Variants in CSTPP1 observed in about 807,000 individuals in gnomAD.
CSTPP1 encodes the protein centriolar satellite-associated tubulin polyglutamylase complex regulator 1, also known as UPF0705 protein C11orf49.
At chr11:47,090,609 T>C in the CSTPP1 span, among the ~76,000 whole-genome samples, 1 of 152,220 alleles carries the variant, frequency 6.6e-6, no homozygotes, top group South Asian at 2.1e-4. Flanking sequence ...GCACTGTGAG[T>C]AATAACTATA....
the CSTPP1 span, among the ~76,000 whole-genome samples, chr11:46,946,519 G>A: frequency 2.6e-5 from 4 of 152,298 alleles, no homozygotes; most frequent in East Asian, 1.9e-4. Flanking sequence ...TTAGCCGGGC[G>A]TGGTGGCAGG....
chr11:46,998,559 T>C, the CSTPP1 span, among the ~76,000 whole-genome samples: 12 of 152,140 alleles, frequency 7.9e-5, no homozygotes, highest in South Asian at 1.9e-3. Flanking sequence ...CCAGAAACTT[T>C]TGGGTTTTCT....
the CSTPP1 span, chr11:47,137,970 G>A: frequency 1.8e-6 from 1 of 568,820 alleles, no homozygotes; most frequent in East Asian, 2.9e-5. Flanking sequence ...TTGGAGGGTG[G>A]TGAGATGAAG....
chr11:47,120,202 C>CA, the CSTPP1 span, among the ~76,000 whole-genome samples: 14 of 152,144 alleles, frequency 9.2e-5, no homozygotes, highest in African/African-American at 2.4e-4. This position sits in a 1 kb window ranked among gnomAD's most constrained non-coding sequence, Gnocchi z 4.2. Context: ...AGATATACTA[C>CA]ATTGCTTTTA....
chr11:47,056,030 G>A, the CSTPP1 span, among the ~76,000 whole-genome samples: 1 of 152,156 alleles, frequency 6.6e-6, no homozygotes, highest in South Asian at 2.1e-4. Context: ...GCAAATATTT[G>A]TTTTAGACCA....
the CSTPP1 span, among the ~76,000 whole-genome samples, chr11:47,124,306 T>C: frequency 6.6e-6 from 1 of 151,570 alleles, no homozygotes; most frequent in Non-Finnish European, 1.5e-5. Flanking sequence ...GTATATTTAG[T>C]AGAGACGGGG....
the CSTPP1 span, chr11:47,041,828 G>C: frequency 4.7e-6 from 2 of 423,800 alleles, 1 homozygote; most frequent in South Asian, 4.1e-5. Context: ...TTTGATAGCT[G>C]GATGGCCAGG....
the CSTPP1 span, chr11:47,162,274 A>C: frequency 2.0e-6 from 2 of 984,860 alleles, no homozygotes; most frequent in Non-Finnish European, 2.4e-6. Flanking sequence ...TCCTAGGCTG[A>C]GGGGAGAAGG....
At chr11:46,943,477 G>A in the CSTPP1 span, among the ~76,000 whole-genome samples, 2 of 152,250 alleles carry the variant, frequency 1.3e-5, no homozygotes, top group Non-Finnish European at 2.9e-5. Flanking sequence ...GTAAGGTCAA[G>A]TGATTCCAGT....
At chr11:46,954,464 G>A in the CSTPP1 span, among the ~76,000 whole-genome samples, 2 of 151,986 alleles carry the variant, frequency 1.3e-5, no homozygotes, top group Non-Finnish European at 2.9e-5. Context: ...CAGGAGAATC[G>A]CTTGAACCCT....
chr11:47,094,884 A>G, the CSTPP1 span, among the ~76,000 whole-genome samples: 1 of 152,250 alleles, frequency 6.6e-6, no homozygotes, highest in East Asian at 1.9e-4. Flanking sequence ...GGTAACTTGT[A>G]AAGTCCATTC....
chr11:47,159,042 T>C, the CSTPP1 span, among the ~76,000 whole-genome samples: 4 of 152,252 alleles, frequency 2.6e-5, no homozygotes, highest in African/African-American at 9.6e-5. Context: ...TCTTACACAA[T>C]ATACAGTTAG....
At chr11:47,028,302 A>G in the CSTPP1 span, among the ~76,000 whole-genome samples, 5 of 152,246 alleles carry the variant, frequency 3.3e-5, no homozygotes, top group Admixed American at 3.3e-4. Context: ...CTATCAATTC[A>G]TGATGCATAT....
the CSTPP1 span, among the ~76,000 whole-genome samples, chr11:47,020,842 G>C: frequency 6.6e-6 from 1 of 152,216 alleles, no homozygotes; most frequent in Non-Finnish European, 1.5e-5. Context: ...ACAAACATCT[G>C]TGTCCTGTGG....
At chr11:47,095,749 T>A in the CSTPP1 span, among the ~76,000 whole-genome samples, 3 of 152,228 alleles carry the variant, frequency 2.0e-5, no homozygotes, top group African/African-American at 7.2e-5. Flanking sequence ...TTGCCTATTT[T>A]ATTTATTGCA....
At chr11:47,041,466 A>C in the CSTPP1 span, 2 of 305,080 alleles carry the variant, frequency 6.6e-6, 1 homozygote, top group South Asian at 5.2e-5. Context: ...CATGTCTGTA[A>C]GATAAAGGGG....
the CSTPP1 span, among the ~76,000 whole-genome samples, chr11:46,979,183 A>G: frequency 6.6e-6 from 1 of 152,190 alleles, no homozygotes. Context: ...CCTGGGCTCA[A>G]GGGATCATCC....
the CSTPP1 span, among the ~76,000 whole-genome samples, chr11:46,980,077 CA>C: frequency 2.6e-5 from 4 of 151,472 alleles, no homozygotes; most frequent in African/African-American, 9.7e-5. Context: ...AACAAACAAA[CA>C]AAAAAACAAA....
At chr11:46,956,454 A>G in the CSTPP1 span, among the ~76,000 whole-genome samples, 4 of 152,232 alleles carry the variant, frequency 2.6e-5, no homozygotes, top group African/African-American at 4.8e-5. Context: ...CCACCTAGCA[A>G]TCAACTTAGT....
Sources: gnomAD v4.1 joint callset for allele counts (sites outside exome capture counted in the v4.1 genomes callset) on GRCh38, gnomAD v4.1.1 for gene constraint, Gnocchi (gnomAD v3.1) non-coding constraint, MANE v1.5 for transcripts, NCBI Gene and HGNC (gene_info 2026-07-23, HGNC 2026-07-21) for gene names.